The following C8orf34 variants were observed in gnomAD, a reference collection of about 807,000 sequenced individuals.
The protein encoded by C8orf34 is uncharacterized protein C8orf34.
Under a neutral mutation model 68.3 loss-of-function variants are expected in C8orf34, and 65 were observed. The ratio of observed to expected loss-of-function variants is 0.95; its 90% confidence interval spans 0.78 to 1.17. C8orf34 has a LOEUF of 1.17. C8orf34 is among the 50% of genes most tolerant of loss of function. The probability of loss-of-function intolerance (pLI) is 0.00; values close to 1 mark genes in which losing one functional copy is unlikely to be tolerated. For missense variants in C8orf34, 664 were observed against 655.4 expected (o/e 1.01, Z -0.14); for synonymous variants, 244 against 241.2 (o/e 1.01, Z -0.11).
chr8:68,365,632 C>T (rs1296001409), intron 1 of C8orf34, among the ~76,000 whole-genome samples: 14 of 74,160 alleles, frequency 1.9e-4, no homozygotes, highest in Admixed American at 6.1e-4. Context: ...ATAAACAGAA[C>T]CAAAGTCAAA....
chr8:68,390,313 G>T (rs1808429568), intron 1 of C8orf34, among the ~76,000 whole-genome samples: 1 of 152,098 alleles, frequency 6.6e-6, no homozygotes, highest in African/African-American at 2.4e-5. Flanking sequence ...CCTGAGAAAA[G>T]AAAAGTTTGA....
chr8:68,644,938 A>C (rs1006604521), intron 8 of C8orf34, among the ~76,000 whole-genome samples: 1 of 152,252 alleles, frequency 6.6e-6, no homozygotes, highest in East Asian at 1.9e-4. Context: ...TGCAGAATTC[A>C]TAGAGCAAAA....
rs528990312 is a variant in C8orf34, at chr8:68,425,742, A to G, written c.328-13757A>G. Among the ~76,000 whole-genome samples, 29 of 151,606 alleles carry G rather than the reference A, an allele frequency of 1.9e-4. 1 individual carries two copies. The highest frequency in any genetic ancestry group is 7.0e-4 in the African/African-American group (29 of 41,464). ...CAGTTTTGGAAGGAAAAAAAAAAAAAGGAAGTAGGAGAAACCACTCTTCCT... is the reference window on the plus strand; with the variant it reads ...CAGTTTTGGAAGGAAAAAAAAAAAAGGGAAGTAGGAGAAACCACTCTTCCT... On this transcript the variant is annotated intron_variant, in intron 1 of 13. Transcript: ENST00000518698.
chr8:68,426,863 C>T (rs1218327996), intron 1 of C8orf34, among the ~76,000 whole-genome samples: 1 of 146,332 alleles, frequency 6.8e-6, no homozygotes, highest in Non-Finnish European at 1.5e-5. Flanking sequence ...GAGTGAAACT[C>T]CGTCTAAAAA....
intron 8 of C8orf34, among the ~76,000 whole-genome samples, chr8:68,657,546 T>C (rs546828287): frequency 1.1e-4 from 16 of 152,348 alleles, no homozygotes; most frequent in African/African-American, 3.8e-4. Context: ...TTACCCAGTC[T>C]AAGGTATTTT....
intron 4 of C8orf34, among the ~76,000 whole-genome samples, chr8:68,480,069 C>T (rs1313214181): frequency 6.6e-6 from 1 of 152,136 alleles, no homozygotes; most frequent in African/African-American, 2.4e-5. Flanking sequence ...CTAGGATAAC[C>T]AATTAATATG....
chr8:68,544,386 C>T (rs1250237259), intron 7 of C8orf34, among the ~76,000 whole-genome samples: 1 of 152,122 alleles, frequency 6.6e-6, no homozygotes, highest in African/African-American at 2.4e-5. Flanking sequence ...AATTGACAGC[C>T]ATGCCTAAGA....
At chr8:68,388,795 A>G (rs1380111459) in intron 1 of C8orf34, among the ~76,000 whole-genome samples, 1 of 152,128 alleles carries the variant, frequency 6.6e-6, no homozygotes, top group Non-Finnish European at 1.5e-5. Flanking sequence ...GACTATTTAG[A>G]GTAGTAAAAA....
chr8:68,430,047 AT>A (rs1810388986), intron 1 of C8orf34, among the ~76,000 whole-genome samples: 1 of 152,126 alleles, frequency 6.6e-6, no homozygotes, highest in Non-Finnish European at 1.5e-5. Context: ...CCAAACCTTG[AT>A]TAGAAGCTCA....
intron 8 of C8orf34, among the ~76,000 whole-genome samples, chr8:68,702,386 A>G (rs373338527): frequency 2.0e-5 from 3 of 152,158 alleles, no homozygotes; most frequent in East Asian, 3.9e-4. Context: ...TTCCTTCTAC[A>G]TGAAGTTTAG....
At chr8:68,604,288 A>G (rs919123146) in intron 7 of C8orf34, among the ~76,000 whole-genome samples, 1 of 147,762 alleles carries the variant, frequency 6.8e-6, no homozygotes, top group African/African-American at 2.6e-5. Context: ...TCTATGTACC[A>G]TTCAACATTG....
At chr8:68,808,487 T>C (rs1404981468) in intron 12 of C8orf34, among the ~76,000 whole-genome samples, 2 of 151,856 alleles carry the variant, frequency 1.3e-5, no homozygotes, top group African/African-American at 4.8e-5. Flanking sequence ...AGAGCGTCAA[T>C]GCAATCAGCC....
intron 1 of C8orf34, among the ~76,000 whole-genome samples, chr8:68,384,813 A>G (rs1227194076): frequency 1.3e-5 from 2 of 152,234 alleles, no homozygotes; most frequent in Non-Finnish European, 2.9e-5. Flanking sequence ...TGTAGGTTCT[A>G]ATAATAACAT....
At position 68,331,367 on chromosome 8, in the gene C8orf34, C is replaced by T. The variant is rs113251328; in HGVS notation, c.327+28C>T. 1.8e-3 allele frequency: 2,751 copies of T among 1,531,886 alleles called. 48 individuals are homozygous for T. The African/African-American group carries it at 0.034, about 19-fold the overall frequency. 94.9% of individuals were successfully genotyped at this position (1,531,886 alleles called of 1,614,324 possible). A position where few individuals can be genotyped will look rare whatever the true frequency, so the allele number is the denominator to read the frequency against. On this transcript the variant is annotated intron_variant, in intron 1 of 13. Coordinates refer to ENST00000518698, the MANE Select transcript of C8orf34 (RefSeq NM_052958.4). ...AAGGCGCTGTGGAGGAGGGCAGTCC[C>T]GTTGTCTTTAGGGGAAGGGGTGCAG...
chr8:68,462,591 C>T, intron 3 of C8orf34, among the ~76,000 whole-genome samples: 1 of 151,922 alleles, frequency 6.6e-6, no homozygotes, highest in African/African-American at 2.4e-5. Context: ...AACACACTGT[C>T]TCTCAGACCA....
At chr8:68,718,447 C>T (rs1382670260) in intron 9 of C8orf34, among the ~76,000 whole-genome samples, 1 of 152,066 alleles carries the variant, frequency 6.6e-6, no homozygotes, top group African/African-American at 2.4e-5. Context: ...CTTTAAGCTC[C>T]TTTCTTGAAA....
intron 3 of C8orf34, among the ~76,000 whole-genome samples, chr8:68,466,760 T>TATATATATATATATATAA (rs1466573601): frequency 3.4e-5 from 5 of 145,402 alleles, no homozygotes; most frequent in African/African-American, 1.3e-4. Flanking sequence ...TATATATATA[T>TATATATATATATATATAA]ATATAGATGC....
chr8:68,670,555 C>T (rs974097773), intron 8 of C8orf34, among the ~76,000 whole-genome samples: 2 of 152,198 alleles, frequency 1.3e-5, no homozygotes, highest in Non-Finnish European at 2.9e-5. Context: ...CCCTCACCTT[C>T]CTGCCATTTC....
intron 10 of C8orf34, among the ~76,000 whole-genome samples, chr8:68,732,246 C>T (rs1206062437): frequency 6.6e-6 from 1 of 152,200 alleles, no homozygotes; most frequent in East Asian, 1.9e-4. Context: ...CTCCTAAACT[C>T]TTGCCAGAAT....
Sources: allele counts gnomAD v4.1 joint callset (sites outside exome capture counted in the v4.1 genomes callset), GRCh38; gene constraint gnomAD v4.1.1; transcripts MANE v1.5; gene names NCBI Gene and HGNC (gene_info 2026-07-23, HGNC 2026-07-21).